The following RSRC1 variants were observed in gnomAD, a reference collection of about 807,000 sequenced individuals.
RSRC1 encodes serine/Arginine-related protein 53.
A neutral mutation model predicts 49.1 loss-of-function variants in RSRC1; 39 were observed. The observed-to-expected ratio is 0.79, with a 90% CI of 0.61 to 1.04. The LOEUF (loss-of-function observed/expected upper bound fraction) is 1.04, where lower values mean the gene tolerates loss of function less well. Among genes scored for constraint, RSRC1 ranks in the 50% least tolerant of loss-of-function variants. RSRC1 has a pLI of 0.00. For missense variants in RSRC1, 388 were observed against 402.4 expected, an observed-to-expected ratio of 0.96 and a Z score of 0.31; for synonymous variants, 143 against 130.8, an observed-to-expected ratio of 1.09 and a Z score of -0.63.
intron 3 of RSRC1, among the ~76,000 whole-genome samples, chr3:158,186,345 T>C (rs776056185): frequency 9.2e-5 from 14 of 152,020 alleles, no homozygotes; most frequent in Non-Finnish European, 1.5e-4. Flanking sequence ...TTAAATTTAG[T>C]GCAACTACTT....
At chr3:158,229,242 G>A (rs1722769805) in intron 4 of RSRC1, among the ~76,000 whole-genome samples, 1 of 150,678 alleles carries the variant, frequency 6.6e-6, no homozygotes, top group South Asian at 2.1e-4. Flanking sequence ...GTGTATGTAT[G>A]TATATAAACA....
chr3:158,236,727 A>G (rs1723269391), intron 4 of RSRC1, among the ~76,000 whole-genome samples: 1 of 152,202 alleles, frequency 6.6e-6, no homozygotes, highest in Non-Finnish European at 1.5e-5. Flanking sequence ...GGAAAAGTCA[A>G]ATAAAATATG....
At chr3:158,239,815 T>G (rs549343359) in intron 4 of RSRC1, among the ~76,000 whole-genome samples, 5 of 152,316 alleles carry the variant, frequency 3.3e-5, no homozygotes, top group Admixed American at 1.3e-4. Context: ...TGTGAATGTT[T>G]TCTCCCAGTT....
At chr3:158,541,889 G>A (rs148060911) in intron 8 of RSRC1, among the ~76,000 whole-genome samples, 2 of 151,992 alleles carry the variant, frequency 1.3e-5, no homozygotes, top group Non-Finnish European at 2.9e-5. Context: ...GCACTACTCT[G>A]CTGGCTCCTT....
intron 6 of RSRC1, among the ~76,000 whole-genome samples, chr3:158,445,425 G>A (rs530443154): frequency 2.6e-5 from 4 of 151,998 alleles, no homozygotes; most frequent in South Asian, 2.1e-4. Flanking sequence ...AACACCACAT[G>A]TTCTCACTCA....
At chr3:158,538,121 G>T (rs575344753) in intron 8 of RSRC1, among the ~76,000 whole-genome samples, 1 of 151,714 alleles carries the variant, frequency 6.6e-6, no homozygotes, top group South Asian at 2.1e-4. Context: ...AAATCCTATC[G>T]GGTTTCTCAT....
chr3:158,540,964 G>A (rs759102580), intron 8 of RSRC1, among the ~76,000 whole-genome samples: 3 of 152,184 alleles, frequency 2.0e-5, no homozygotes, highest in Non-Finnish European at 4.4e-5. Context: ...GAGCCCCACA[G>A]TTACCCAGCT....
chr3:158,336,978 G>A (rs1192894557), intron 5 of RSRC1, among the ~76,000 whole-genome samples: 2 of 152,190 alleles, frequency 1.3e-5, no homozygotes, highest in East Asian at 1.9e-4. Flanking sequence ...CGGCATAGCC[G>A]TGATAAGAGG....
At chr3:158,129,096 C>G (rs1451831580) in intron 3 of RSRC1, among the ~76,000 whole-genome samples, 1 of 151,980 alleles carries the variant, frequency 6.6e-6, no homozygotes, top group Admixed American at 6.6e-5. Context: ...GAGATATTTT[C>G]TAACTATAAG....
At chr3:158,357,926 G>T (rs182500940) in intron 6 of RSRC1, among the ~76,000 whole-genome samples, 1 of 152,296 alleles carries the variant, frequency 6.6e-6, no homozygotes, top group Non-Finnish European at 1.5e-5. Context: ...GAAATCCTAC[G>T]ATTAGACTTA....
At chr3:158,540,055 C>G (rs555753083) in intron 8 of RSRC1, among the ~76,000 whole-genome samples, 1 of 152,284 alleles carries the variant, frequency 6.6e-6, no homozygotes, top group South Asian at 2.1e-4. Flanking sequence ...CTCTTACAGT[C>G]CCCGTAAGGC....
intron 6 of RSRC1, among the ~76,000 whole-genome samples, chr3:158,364,899 A>G (rs1731677416): frequency 2.0e-5 from 3 of 150,830 alleles, no homozygotes; most frequent in Non-Finnish European, 4.4e-5. Flanking sequence ...AAGTCTATAG[A>G]GAGATTGGGA....
chr3:158,539,544 C>T lies in RSRC1; in HGVS notation c.759+2346C>T, dbSNP rs1235784702. ...GTGTTCAAAAGAAGGGTAAATACCC[C>T]TATGCAGCATGGTCTTTTGGCCTAC... is the stretch of plus-strand genomic sequence containing the variant. On this transcript the variant is annotated intron_variant, in intron 8 of 9. Coordinates refer to ENST00000611884, the MANE Select transcript of RSRC1 (RefSeq NM_001271838.2). This position sits in a 1 kb window ranked among gnomAD's most constrained non-coding sequence, Gnocchi z 4.1. 6.6e-6 allele frequency among the ~76,000 whole-genome samples: 1 copy of T among 152,056 alleles called. No individual in the cohort carries two copies. The highest frequency in any genetic ancestry group is 1.9e-4 in the East Asian group (1 of 5,194).
chr3:158,525,552 C>T (rs1312975536), intron 7 of RSRC1, among the ~76,000 whole-genome samples: 1 of 151,888 alleles, frequency 6.6e-6, no homozygotes, highest in East Asian at 1.9e-4. Context: ...AGTACTAGGG[C>T]AGTATTTACT....
intron 4 of RSRC1, among the ~76,000 whole-genome samples, chr3:158,279,517 T>C (rs549578523): frequency 1.3e-5 from 2 of 152,358 alleles, no homozygotes; most frequent in South Asian, 4.1e-4. Flanking sequence ...GATTTGTACT[T>C]TCGGCTCAAT....
intron 7 of RSRC1, among the ~76,000 whole-genome samples, chr3:158,470,501 G>A (rs1738090389): frequency 6.6e-6 from 1 of 151,988 alleles, no homozygotes; most frequent in Non-Finnish European, 1.5e-5. Flanking sequence ...AGATGATGGT[G>A]GGGGGTGGGA....
chr3:158,166,325 CA>C (rs1718533912), intron 3 of RSRC1, among the ~76,000 whole-genome samples: 1 of 152,050 alleles, frequency 6.6e-6, no homozygotes, highest in Non-Finnish European at 1.5e-5. Flanking sequence ...TTTAATGTGA[CA>C]TCCCATTAGC....
At chr3:158,532,196 G>A (rs1446728332) in intron 7 of RSRC1, among the ~76,000 whole-genome samples, 1 of 151,774 alleles carries the variant, frequency 6.6e-6, no homozygotes, top group East Asian at 1.9e-4. Context: ...CAAATTTTTT[G>A]TAACATAAAA....
chr3:158,466,376 C>T (rs998117541), intron 7 of RSRC1, among the ~76,000 whole-genome samples: 2 of 152,274 alleles, frequency 1.3e-5, no homozygotes, highest in Middle Eastern at 3.4e-3. Flanking sequence ...GACTGGCTAT[C>T]GTGTGTTTCC....
Sources: gnomAD v4.1 joint callset for allele counts (sites outside exome capture counted in the v4.1 genomes callset) on GRCh38, gnomAD v4.1.1 for gene constraint, Gnocchi (gnomAD v3.1) non-coding constraint, MANE v1.5 for transcripts, NCBI Gene and HGNC (gene_info 2026-07-23, HGNC 2026-07-21) for gene names.